CREB5: variants seen among roughly 807,000 people sequenced by gnomAD.
CREB5 encodes the protein cAMP responsive element binding protein 5.
A neutral mutation model predicts 57.1 loss-of-function variants in CREB5; 19 were observed. That is an observed-to-expected ratio of 0.33 (90% confidence interval 0.23 to 0.49). The LOEUF is 0.49. CREB5 is among the 20% of genes least tolerant of loss of function. CREB5 has a pLI of 0.99. For missense variants in CREB5, 579 were observed against 671.6 expected (o/e 0.86, Z 1.52); for synonymous variants, 238 against 238.3 (o/e 1.00, Z 0.01).
chr7:28,635,175 C>T (rs900335179), intron 5 of CREB5, among the ~76,000 whole-genome samples: 1 of 152,132 alleles, frequency 6.6e-6, no homozygotes, highest in Non-Finnish European at 1.5e-5. Flanking sequence ...TACATGAAGG[C>T]AAGGAGGAGG....
chr7:28,464,621 T>C (rs1051843345), intron 1 of CREB5, among the ~76,000 whole-genome samples: 1 of 151,956 alleles, frequency 6.6e-6, no homozygotes, highest in Non-Finnish European at 1.5e-5. Context: ...TTTGTATCTT[T>C]CTAGGAATTT....
intron 7 of CREB5, among the ~76,000 whole-genome samples, chr7:28,744,925 G>A (rs573504545): frequency 2.6e-5 from 4 of 152,338 alleles, no homozygotes; most frequent in African/African-American, 9.6e-5. Context: ...TCTTTCTCAG[G>A]AAGAGACCTC....
Position 28,821,194 on chromosome 7 carries a change from G to T in CREB5, c.*1915G>T, listed in dbSNP as rs1278373741. On this transcript the variant is annotated 3_prime_UTR_variant, in exon 11 of 11. Coordinates refer to ENST00000357727, the MANE Select transcript of CREB5 (RefSeq NM_182898.4). ...TTAAAAGAACAGTATTTTACAAAAG[G>T]TGTAGCTTTTATAAGAGTGCAGAAA... 1.3e-5 allele frequency: 2 copies of T among 151,604 alleles called. No homozygotes were observed. The highest frequency in any genetic ancestry group is 3.4e-3 in the Middle Eastern group (1 of 294). 9.4% of individuals were successfully genotyped at this position (151,604 alleles called of 1,614,324 possible).
At chr7:28,783,328 C>A (rs1807099945) in intron 7 of CREB5, among the ~76,000 whole-genome samples, 1 of 152,260 alleles carries the variant, frequency 6.6e-6, no homozygotes, top group South Asian at 2.1e-4. Context: ...TTATCATATT[C>A]TTATATTAGA....
chr7:28,599,498 G>A (rs1426163508), intron 5 of CREB5, among the ~76,000 whole-genome samples: 1 of 152,154 alleles, frequency 6.6e-6, no homozygotes, highest in African/African-American at 2.4e-5. Flanking sequence ...GGACTGTATG[G>A]GGGTGGAGGT....
Position 28,717,479 on chromosome 7 carries a change from G to A in CREB5, c.465-1274G>A, listed in dbSNP as rs542494115. Reference sequence around the variant, plus strand: ...CAGGCATGTGAAGGAAGAATATGTTGGCATTCTGTCCCCCACCTCAATCTT... The same window carrying A: ...CAGGCATGTGAAGGAAGAATATGTTAGCATTCTGTCCCCCACCTCAATCTT... On this transcript the variant is annotated intron_variant, in intron 5 of 10. Transcript: ENST00000357727. Among the ~76,000 whole-genome samples the A allele has an allele frequency of 2.6e-5, 4 of 152,220 alleles. No individual in the cohort carries two copies. The East Asian group carries it at 7.7e-4, about 29-fold the overall frequency.
At chr7:28,662,291 G>A (rs1232125496) in intron 5 of CREB5, among the ~76,000 whole-genome samples, 1 of 152,302 alleles carries the variant, frequency 6.6e-6, no homozygotes, top group African/African-American at 2.4e-5. Context: ...CGTTGAAGGG[G>A]CCTGGGCTTT....
intron 1 of CREB5, among the ~76,000 whole-genome samples, chr7:28,338,374 A>T (rs757191996): frequency 2.6e-5 from 4 of 152,116 alleles, no homozygotes; most frequent in Non-Finnish European, 5.9e-5. Context: ...TGTTTGAGGG[A>T]TATTTTCAGC....
At chr7:28,410,032 G>GGGCGC (rs1787706901), upstream of CREB5, 1 of 447,126 alleles carries the variant, frequency 2.2e-6, no homozygotes, top group Non-Finnish European at 4.5e-6. Flanking sequence ...AACTTCCAGC[G>GGGCGC]GGCGCGGCGA....
chr7:28,447,914 G>A lies in CREB5; in HGVS notation c.3+34997G>A, dbSNP rs541727376. 3.3e-5 allele frequency among the ~76,000 whole-genome samples: 5 copies of A among 152,324 alleles called. No homozygotes were observed. In the South Asian group the frequency reaches 1.0e-3, roughly 32 times the overall value. Reference sequence around the variant, plus strand: ...GTAGCAAGAAACCACTTTAGTGAGAGGACTTTTTGGGAGAGTGTATGTGAT... The same window carrying A: ...GTAGCAAGAAACCACTTTAGTGAGAAGACTTTTTGGGAGAGTGTATGTGAT... On this transcript the variant is annotated intron_variant, in intron 1 of 10. Transcript: ENST00000357727.
At chr7:28,624,348 T>C (rs926264679) in intron 5 of CREB5, among the ~76,000 whole-genome samples, 2 of 152,246 alleles carry the variant, frequency 1.3e-5, no homozygotes, top group African/African-American at 4.8e-5. Flanking sequence ...ATTTGTGAAC[T>C]CATTTTCTGT....
chr7:28,359,224 T>TAA (rs70977038), intron 1 of CREB5, among the ~76,000 whole-genome samples: 12,298 of 136,518 alleles, frequency 0.09, 649 homozygotes, highest in East Asian at 0.17. Flanking sequence ...ACAAAACAAA[T>TAA]AAAAAAAAAA....
chr7:28,644,172 A>G (rs1798801159), intron 5 of CREB5, among the ~76,000 whole-genome samples: 1 of 151,896 alleles, frequency 6.6e-6, no homozygotes, highest in South Asian at 2.1e-4. Flanking sequence ...AGAAAGAGAA[A>G]GAAAGAAAAA....
chr7:28,370,068 A>G lies in CREB5; in HGVS notation c.-25+70627A>G, dbSNP rs528056648. On this transcript the variant is annotated intron_variant, in intron 1 of 9. Transcript: ENST00000396299. Reference sequence around the variant, plus strand: ...CCCATAGCTAGAAGTGAGAATTACTATAATGTCTTTGCATTAGTTTAATGT... The same window carrying G: ...CCCATAGCTAGAAGTGAGAATTACTGTAATGTCTTTGCATTAGTTTAATGT... Among the ~76,000 whole-genome samples, 52 of 152,324 alleles carry G rather than the reference A, an allele frequency of 3.4e-4. 1 individual carries two copies. The South Asian group carries it at 6.2e-3, about 18-fold the overall frequency.
chr7:28,330,003 C>A (rs1196017832), intron 1 of CREB5, among the ~76,000 whole-genome samples: 1 of 152,242 alleles, frequency 6.6e-6, no homozygotes, highest in African/African-American at 2.4e-5. Flanking sequence ...TCCACTCTGG[C>A]AGCAGCTAAG....
chr7:28,695,943 A>C (rs1426417590), intron 5 of CREB5, among the ~76,000 whole-genome samples: 1 of 49,398 alleles, frequency 2.0e-5, no homozygotes, highest in Admixed American at 2.1e-4. Context: ...ATGATTCTGA[A>C]AAAAAAGAGA....
intron 1 of CREB5, among the ~76,000 whole-genome samples, chr7:28,401,309 G>A (rs985418924): frequency 3.0e-4 from 45 of 152,076 alleles, no homozygotes; most frequent in Middle Eastern, 6.8e-3. Context: ...ATAGAACCAG[G>A]TCAAGCCATT....
chr7:28,705,515 T>C (rs1253712603), intron 5 of CREB5, among the ~76,000 whole-genome samples: 3 of 152,228 alleles, frequency 2.0e-5, no homozygotes, highest in Admixed American at 6.5e-5. Context: ...TCCGTTTCTA[T>C]TTATACTAGG....
intron 1 of CREB5, among the ~76,000 whole-genome samples, chr7:28,401,586 C>T (rs1196064318): frequency 3.3e-5 from 5 of 152,056 alleles, no homozygotes; most frequent in East Asian, 3.9e-4. Context: ...CGACAGGCCC[C>T]GGTGTGTGAT....
Sources: gnomAD v4.1 joint callset for allele counts (sites outside exome capture counted in the v4.1 genomes callset) on GRCh38, gnomAD v4.1.1 for gene constraint, MANE v1.5 for transcripts, NCBI Gene and HGNC (gene_info 2026-07-23, HGNC 2026-07-21) for gene names.